The following PCDHA3 variants were observed in gnomAD, a reference collection of about 807,000 sequenced individuals.
PCDHA3 encodes the protein protocadherin alpha 3.
PCDHA3 carries 41 observed loss-of-function variants against 62.2 expected under a neutral mutation model. The ratio of observed to expected loss-of-function variants is 0.66; its 90% CI spans 0.51 to 0.86. The LOEUF is 0.86. Ranked by LOEUF, PCDHA3 falls within the 40% of genes least tolerant of loss-of-function variation. The probability of loss-of-function intolerance (pLI) is 0.00; values close to 1 mark genes in which losing one functional copy is unlikely to be tolerated. For missense variants in PCDHA3, 1,304 were observed against 1,241.2 expected (o/e 1.05, Z -0.76); for synonymous variants, 640 against 555.4 (o/e 1.15, Z -2.14).
chr5:140,869,430 C>T (rs73793507), intron 1 of PCDHA3: 3 of 1,614,154 alleles, frequency 1.9e-6, no homozygotes, highest in South Asian at 2.2e-5. Context: ...TGGAGGTGAT[C>T]GTGGACAGGC....
At chr5:140,922,655 C>G (rs1468761948) in intron 1 of PCDHA3, among the ~76,000 whole-genome samples, 1 of 152,134 alleles carries the variant, frequency 6.6e-6, no homozygotes, top group Non-Finnish European at 1.5e-5. Context: ...GTAAATATGG[C>G]TATACTGCAA....
At chr5:140,849,947 G>C in intron 1 of PCDHA3, 1 of 1,597,838 alleles carries the variant, frequency 6.3e-7, no homozygotes, top group East Asian at 2.2e-5. Context: ...ACGCTGACGC[G>C]CAGGAGAACG....
chr5:140,858,376 A>ACATC, intron 1 of PCDHA3: 1 of 1,587,998 alleles, frequency 6.3e-7, no homozygotes, highest in Non-Finnish European at 8.6e-7. Flanking sequence ...GCCTTCCACC[A>ACATC]TGCCCAATGG....
intron 1 of PCDHA3, among the ~76,000 whole-genome samples, chr5:140,945,317 A>C (rs1322598969): frequency 1.3e-5 from 2 of 152,150 alleles, no homozygotes; most frequent in Non-Finnish European, 2.9e-5. Context: ...AAATAAATGG[A>C]AATATATTTT....
intron 3 of PCDHA3, among the ~76,000 whole-genome samples, chr5:140,992,665 T>A (rs1219714191): frequency 2.6e-5 from 4 of 152,096 alleles, no homozygotes; most frequent in Non-Finnish European, 5.9e-5. Context: ...CTGATTGGTG[T>A]GTATGTGTGT....
chr5:141,004,163 G>A (rs374407159), intron 3 of PCDHA3, among the ~76,000 whole-genome samples: 3 of 152,234 alleles, frequency 2.0e-5, no homozygotes, highest in African/African-American at 7.2e-5. Context: ...TATAGGCAAA[G>A]CCAGCCAAGT....
At position 140,803,137 on chromosome 5, in the gene PCDHA3, T is replaced by C. The variant is rs149374718; in HGVS notation, c.1940T>C (p.Leu647Pro). The change falls in exon 1 of 4, where the codon CTA (leucine) becomes CCA (proline). Residue 647 changes from leucine to proline, a missense_variant. Leu to Pro is a moderately conservative substitution (Grantham distance 98). Coordinates refer to ENST00000522353, the MANE Select transcript of PCDHA3 (RefSeq NM_018906.3). ...LDEVDAPRHR[L>P]LVLVKDHGEP... is the part of the protein sequence containing the mutation. ...GAGGTGGACGCCCCGCGCCATCGCC[T>C]ACTGGTGCTGGTGAAGGACCACGGT... The C allele has an allele frequency of 6.1e-4, 989 of 1,613,848 alleles. 3 individuals carry two copies. The Middle Eastern group carries it at 8.6e-3, about 14-fold the overall frequency.
Position 140,881,340 on chromosome 5 carries a change from CG to C in PCDHA3, c.2394+77752del, listed in dbSNP as rs1453642152. Reference sequence around the variant, plus strand: ...ATTCTATTTAACCAGGACGCCGATTCGGGCTACAATGCGTGGCTTTCGTATG... The same window carrying C: ...ATTCTATTTAACCAGGACGCCGATTCGGCTACAATGCGTGGCTTTCGTATG... On this transcript the variant is annotated intron_variant, in intron 1 of 3. Coordinates refer to ENST00000522353, the MANE Select transcript of PCDHA3 (RefSeq NM_018906.3). The C allele has an allele frequency of 3.0e-6, 3 of 984,934 alleles. No individual in the cohort carries two copies. The African/African-American group carries it at 5.2e-5, about 17-fold the overall frequency. The allele number at this position is 984,934 out of a possible 1,614,324, so 61.0% of individuals were successfully genotyped here. A position where few individuals can be genotyped will look rare whatever the true frequency, so the allele number is the denominator to read the frequency against.
chr5:140,964,099 C>T (rs2095809950), intron 1 of PCDHA3, among the ~76,000 whole-genome samples: 1 of 152,142 alleles, frequency 6.6e-6, no homozygotes, highest in South Asian at 2.1e-4. Flanking sequence ...TAATTAACAA[C>T]AGTCTGAGCA....
At chr5:140,807,997 C>G in intron 1 of PCDHA3, 1 of 1,613,450 alleles carries the variant, frequency 6.2e-7, no homozygotes, top group Non-Finnish European at 8.5e-7. Context: ...CAGATTTAGA[C>G]GAAGGATTGA....
intron 1 of PCDHA3, chr5:140,871,184 A>G (rs2052793987): frequency 6.2e-7 from 1 of 1,613,434 alleles, no homozygotes; most frequent in African/African-American, 1.3e-5. Context: ...GCGCTGGTGG[A>G]TGTCAACGTG....
chr5:140,952,798 G>A (rs1554220633), intron 1 of PCDHA3, among the ~76,000 whole-genome samples: 1 of 152,138 alleles, frequency 6.6e-6, no homozygotes, highest in Non-Finnish European at 1.5e-5. Flanking sequence ...TAACTGGCTC[G>A]CAGTTCTGCA....
chr5:140,870,493 AAGG>A, intron 1 of PCDHA3: 1 of 1,614,214 alleles, frequency 6.2e-7, no homozygotes, highest in Non-Finnish European at 8.5e-7. Context: ...CGTGTTCGTG[AAGG>A]AGAACAACCC....
chr5:140,996,111 G>C (rs981356405), intron 3 of PCDHA3, among the ~76,000 whole-genome samples: 1 of 152,220 alleles, frequency 6.6e-6, no homozygotes, highest in East Asian at 1.9e-4. Context: ...GTATGGAAGT[G>C]TGCAGGGTGG....
intron 1 of PCDHA3, among the ~76,000 whole-genome samples, chr5:140,826,625 C>A (rs1180979712): frequency 6.6e-6 from 1 of 151,940 alleles, no homozygotes; most frequent in African/African-American, 2.4e-5. Flanking sequence ...TGATATTTGG[C>A]CCTGACTTTT....
intron 1 of PCDHA3, chr5:140,849,498 A>G: frequency 6.3e-7 from 1 of 1,593,626 alleles, no homozygotes. Context: ...TGGTCATTGT[A>G]CACTTCTTGT....
At chr5:140,987,211 C>A (rs1190567678) in intron 3 of PCDHA3, among the ~76,000 whole-genome samples, 1 of 145,070 alleles carries the variant, frequency 6.9e-6, no homozygotes, top group South Asian at 2.1e-4. Flanking sequence ...GAGACTCCAT[C>A]TCAAAAAAAA....
intron 1 of PCDHA3, chr5:140,870,020 C>CT (rs2051592109): frequency 6.2e-7 from 1 of 1,613,394 alleles, no homozygotes; most frequent in Admixed American, 1.7e-5. Context: ...GTCAATGGAA[C>CT]TTTAGATTAT....
rs202010088 is a variant in PCDHA3 at position 140,869,201 on chromosome 5, A to G, written c.2394+65610A>G. On this transcript the variant is annotated intron_variant, in intron 1 of 3. Transcript: ENST00000522353. ...GAGGTGGGGAGCGGCCAGCTCCACTACTCCGTCTCGGAGGAGGCCAAACAC... is the reference window on the plus strand; with the variant it reads ...GAGGTGGGGAGCGGCCAGCTCCACTGCTCCGTCTCGGAGGAGGCCAAACAC... 1.3e-3 allele frequency: 2,112 copies of G among 1,612,868 alleles called. 36 individuals carry two copies. The highest frequency in any genetic ancestry group is 1.6e-3 in the Admixed American group (96 of 59,934).
Sources: gnomAD v4.1 joint callset for allele counts (sites outside exome capture counted in the v4.1 genomes callset) on GRCh38, gnomAD v4.1.1 for gene constraint, MANE v1.5 for transcripts, NCBI Gene and HGNC (gene_info 2026-07-23, HGNC 2026-07-21) for gene names.